The following CPNE4 variants were observed in gnomAD, a reference collection of about 807,000 sequenced individuals.
The protein encoded by CPNE4 is copine 4.
In CPNE4, 25 loss-of-function variants were observed where a neutral mutation model predicts 67.9. The ratio of observed to expected loss-of-function variants is 0.37; its 90% CI spans 0.27 to 0.51. The LOEUF (loss-of-function observed/expected upper bound fraction) is 0.51. CPNE4 is among the 20% of genes least tolerant of loss of function. The pLI is 0.93. For missense variants in CPNE4, 464 were observed against 690.8 expected (o/e 0.67, Z 3.68); for synonymous variants, 242 against 244.9 (o/e 0.99, Z 0.11).
chr3:131,989,509 G>A (rs867541170), intron 1 of CPNE4, among the ~76,000 whole-genome samples: 5 of 94,476 alleles, frequency 5.3e-5, no homozygotes, highest in East Asian at 4.2e-4. Flanking sequence ...TTGGGAACCT[G>A]TAAACCAAGA....
At chr3:131,661,486 G>A (rs1377719248) in intron 7 of CPNE4, among the ~76,000 whole-genome samples, 1 of 152,176 alleles carries the variant, frequency 6.6e-6, no homozygotes, top group African/African-American at 2.4e-5. Flanking sequence ...TTTTCACGCT[G>A]CAGTATTGAT....
At chr3:131,886,601 G>A (rs1042482716) in intron 2 of CPNE4, among the ~76,000 whole-genome samples, 2 of 152,220 alleles carry the variant, frequency 1.3e-5, no homozygotes, top group African/African-American at 4.8e-5. Context: ...GACACTCAGT[G>A]CCAGCCTGTG....
chr3:131,990,981 C>T (rs975735444), intron 1 of CPNE4, among the ~76,000 whole-genome samples: 2 of 136,130 alleles, frequency 1.5e-5, no homozygotes, highest in African/African-American at 2.5e-5. Flanking sequence ...TCTGCTGCCA[C>T]GTGAAGAAAA....
At chr3:131,574,965 T>A in intron 10 of CPNE4, 106 bp downstream of exon 10, 1 of 921,938 alleles carries the variant, frequency 1.1e-6, no homozygotes, top group Non-Finnish European at 1.8e-6. Flanking sequence ...CAAAGCTGCC[T>A]GAAGGTTTTA....
At chr3:131,539,889 T>C (rs1341873203) in intron 15 of CPNE4, among the ~76,000 whole-genome samples, 2 of 152,210 alleles carry the variant, frequency 1.3e-5, no homozygotes, top group African/African-American at 2.4e-5. Flanking sequence ...TTCCTCCATC[T>C]TAGACACCTA....
intron 1 of CPNE4, among the ~76,000 whole-genome samples, chr3:131,996,751 G>T (rs75180314): frequency 6.6e-6 from 1 of 151,996 alleles, no homozygotes; most frequent in Non-Finnish European, 1.5e-5. Context: ...AGTTCTGTAC[G>T]GCGTGTTCTG....
At chr3:131,761,680 A>G (rs528461172) in intron 2 of CPNE4, among the ~76,000 whole-genome samples, 15 of 152,224 alleles carry the variant, frequency 9.9e-5, no homozygotes, top group African/African-American at 3.6e-4. Context: ...TAACTTTACA[A>G]TTCTGTGCTA....
chr3:131,899,119 C>T (rs985389483), intron 2 of CPNE4, among the ~76,000 whole-genome samples: 2 of 152,110 alleles, frequency 1.3e-5, no homozygotes, highest in East Asian at 1.9e-4. Flanking sequence ...TTCTAGCTCT[C>T]GTCTATGTCC....
At chr3:131,929,368 G>T (rs969982957) in intron 1 of CPNE4, among the ~76,000 whole-genome samples, 1 of 152,084 alleles carries the variant, frequency 6.6e-6, no homozygotes, top group African/African-American at 2.4e-5. Flanking sequence ...TAAAGACCAG[G>T]ATTTGAATGA....
intron 15 of CPNE4, 65 bp from the exon 16 acceptor site, chr3:131,535,394 G>A: frequency 6.6e-7 from 1 of 1,517,356 alleles, no homozygotes; most frequent in East Asian, 2.3e-5. Context: ...CATCCTAAAA[G>A]ATTTGAGTCC....
At chr3:131,767,369 T>C (rs116219270) in intron 2 of CPNE4, among the ~76,000 whole-genome samples, 2,050 of 152,200 alleles carry the variant, frequency 0.013, 34 homozygotes, top group Non-Finnish European at 0.017. Context: ...GACATCTATT[T>C]AGAGGTGGCC....
chr3:131,669,812 ATTTT>A (rs1240226198), intron 6 of CPNE4, 48 bp from the exon 7 acceptor site: 19 of 1,397,378 alleles, frequency 1.4e-5, no homozygotes, highest in Non-Finnish European at 1.9e-5. Flanking sequence ...AATGCTTGAC[ATTTT>A]CACATTTCCA....
At chr3:131,754,901 G>A (rs1050521882) in intron 2 of CPNE4, among the ~76,000 whole-genome samples, 2 of 152,082 alleles carry the variant, frequency 1.3e-5, no homozygotes, top group Non-Finnish European at 2.9e-5. Flanking sequence ...TCAATGTTAA[G>A]TTACTCTACT....
chr3:131,845,710 T>C (rs114109852), intron 2 of CPNE4, among the ~76,000 whole-genome samples: 1,877 of 152,266 alleles, frequency 0.012, 36 homozygotes, highest in African/African-American at 0.043. Context: ...ATTGATTGAA[T>C]AAATCAATAA....
chr3:131,895,648 A>T (rs2088297882), intron 2 of CPNE4, among the ~76,000 whole-genome samples: 1 of 152,264 alleles, frequency 6.6e-6, no homozygotes, highest in Admixed American at 6.5e-5. Flanking sequence ...GAAAAACCTC[A>T]TCAAGCTGAA....
At chr3:131,926,140 C>A (rs539630931) in intron 1 of CPNE4, among the ~76,000 whole-genome samples, 4 of 152,098 alleles carry the variant, frequency 2.6e-5, no homozygotes, top group Non-Finnish European at 4.4e-5. Context: ...ATAGAATTAA[C>A]CATGGAGAAT....
At chr3:131,605,966 T>C (rs768545509) in intron 7 of CPNE4, among the ~76,000 whole-genome samples, 1 of 152,166 alleles carries the variant, frequency 6.6e-6, no homozygotes, top group Non-Finnish European at 1.5e-5. Context: ...TCTGAACCCA[T>C]GACAGGTAAT....
At chr3:131,669,550 A>G (rs2080352858) in intron 7 of CPNE4, 125 bp downstream of exon 7, 2 of 667,418 alleles carry the variant, frequency 3.0e-6, no homozygotes. Context: ...TCGAGATGCT[A>G]AAAGATGAGA....
At chr3:131,983,554 C>T (rs1440138264) in intron 1 of CPNE4, among the ~76,000 whole-genome samples, 2 of 152,036 alleles carry the variant, frequency 1.3e-5, no homozygotes, top group African/African-American at 4.8e-5. Context: ...TAATTAGTTC[C>T]AAAATTCAAA....
Sources: gnomAD v4.1 joint callset for allele counts (sites outside exome capture counted in the v4.1 genomes callset) on GRCh38, gnomAD v4.1.1 for gene constraint, MANE v1.5 for transcripts, NCBI Gene and HGNC (gene_info 2026-07-23, HGNC 2026-07-21) for gene names.